The following ELK4 variants were observed in gnomAD, a reference collection of about 807,000 sequenced individuals.
ELK4 encodes ETS domain-containing protein Elk-4.
In ELK4, 16 loss-of-function variants were observed where a neutral mutation model predicts 29.6. The ratio of observed to expected loss-of-function variants is 0.54; its 90% CI spans 0.37 to 0.82. The LOEUF (loss-of-function observed/expected upper bound fraction) is 0.82, where lower values mean the gene tolerates loss of function less well. Ranked by LOEUF, ELK4 falls within the 40% of genes least tolerant of loss-of-function variation. The pLI is 0.00. For synonymous variants in ELK4, 213 were observed against 191.1 expected (o/e 1.11, Z -0.95); for missense variants, 465 against 507.1 (o/e 0.92, Z 0.80).
chr1:205,619,017 A>G lies in ELK4; in HGVS notation c.1137T>C (p.Thr379=), dbSNP rs1670281192. The part of the protein sequence containing the change: ...PLLSSIHFWS[T]LSPVAPLSPA... ...GACTTAGGGGAGCAACAGGACTGAG[A>G]GTACTCCAGAAGTGGATACTGGAGA... Residue 379 remains threonine, a synonymous_variant, in exon 4 of 5, where the codon ACT becomes ACC. Coordinates refer to ENST00000357992, the MANE Select transcript of ELK4 (RefSeq NM_001973.4). 2 of 1,611,674 alleles carry G rather than the reference A, an allele frequency of 1.2e-6. No homozygotes were observed. The highest frequency in any genetic ancestry group is 1.7e-5 in the Admixed American group (1 of 59,522).
chr1:205,619,420 C>A lies in ELK4; in HGVS notation c.1081-347G>T, dbSNP rs998397737. 3 of 1,059,060 alleles carry A rather than the reference C, an allele frequency of 2.8e-6. No homozygotes were observed. In the African/African-American group the frequency reaches 5.0e-5, roughly 18 times the overall value. 65.6% of individuals were successfully genotyped at this position (1,059,060 alleles called of 1,614,324 possible). ...TAAAGTCTTTTCCAAATAGAAAAAC[C>A]AACCTGAATTCAGGTACAGAGGAAT... On this transcript the variant is annotated intron_variant, in intron 3 of 4. Transcript: ENST00000357992.
intron 1 of ELK4, among the ~76,000 whole-genome samples, chr1:205,625,099 T>C (rs1006605239): frequency 3.1e-4 from 47 of 151,914 alleles, no homozygotes; most frequent in African/African-American, 1.1e-3. Context: ...AGAATAGAGT[T>C]TGAAAACAAA....
intron 1 of ELK4, among the ~76,000 whole-genome samples, chr1:205,629,095 C>T (rs1670521634): frequency 1.4e-5 from 2 of 145,370 alleles, no homozygotes; most frequent in South Asian, 2.2e-4. Flanking sequence ...GGCGTGAACC[C>T]GAGAGGCGGA....
At chr1:205,619,475 T>C (rs2102377903) in intron 3 of ELK4, 3 of 1,060,646 alleles carry the variant, frequency 2.8e-6, no homozygotes, top group South Asian at 4.5e-5. Flanking sequence ...AGCATGTTTG[T>C]TTTTTTTTAA....
intron 2 of ELK4, among the ~76,000 whole-genome samples, chr1:205,623,335 G>A (rs377721547): frequency 1.1e-4 from 16 of 142,896 alleles, no homozygotes; most frequent in African/African-American, 3.7e-4. Flanking sequence ...TTTTTGAGAC[G>A]GAGTCTCACT....
chr1:205,624,186 C>T (rs1324515530), intron 1 of ELK4, among the ~76,000 whole-genome samples: 1 of 152,158 alleles, frequency 6.6e-6, no homozygotes, highest in Admixed American at 6.5e-5. Context: ...TCTTAAGCAA[C>T]AAGCAACTTG....
intron 2 of ELK4, among the ~76,000 whole-genome samples, chr1:205,622,550 G>A (rs971233182): frequency 1.3e-4 from 19 of 151,972 alleles, no homozygotes; most frequent in Middle Eastern, 6.8e-3. Context: ...ACACCACCGC[G>A]CCACACTGTT....
Position 205,611,248 on chromosome 1 carries a change from A to G in ELK4, c.*5298T>C, listed in dbSNP as rs183927335. Reference sequence around the variant, plus strand: ...CAGTTTCAAATGAAACAATTATACTACCATTAACGATTCACCTTTCAGATT... The same window carrying G: ...CAGTTTCAAATGAAACAATTATACTGCCATTAACGATTCACCTTTCAGATT... On this transcript the variant is annotated 3_prime_UTR_variant, in exon 5 of 5. Transcript: ENST00000357992. 133 of 210,342 alleles carry G rather than the reference A, an allele frequency of 6.3e-4. No individual in the cohort carries two copies. The highest frequency in any genetic ancestry group is 1.1e-3 in the Non-Finnish European group (116 of 103,444). 13.0% of individuals were successfully genotyped at this position (210,342 alleles called of 1,614,324 possible). A position where few individuals can be genotyped will look rare whatever the true frequency, so the allele number is the denominator to read the frequency against.
intron 3 of ELK4, chr1:205,619,464 C>T: frequency 9.4e-7 from 1 of 1,065,882 alleles, no homozygotes; most frequent in Non-Finnish European, 1.1e-6. Context: ...ACCAAGACAC[C>T]AGCATGTTTG....
Position 205,623,658 on chromosome 1 carries a change from G to C in ELK4, c.207+18C>G, listed in dbSNP as rs763142011. ...TCTGGAGGTTCTCTGTATAGTATAA[G>C]ATCAGGATGTGTACTACCTTTACAT... On this transcript the variant is annotated intron_variant, in intron 2 of 4. Transcript: ENST00000357992. 6.2e-7 allele frequency: 1 copy of C among 1,612,736 alleles called. No homozygotes were observed. Among genetic ancestry groups the C allele is most frequent in the South Asian group, 1.1e-5 (1 of 91,024 alleles).
At chr1:205,623,995 C>G in intron 1 of ELK4, 104 bp from the exon 2 acceptor site, 1 of 1,041,670 alleles carries the variant, frequency 9.6e-7, no homozygotes, top group East Asian at 2.5e-5. Context: ...TTAATTCATC[C>G]CCACATTTCT....
In ELK4 at chr1:205,619,071, T is replaced by C. The variant is rs1571497645; in HGVS notation, c.1083A>G (p.Thr361=). 2.5e-6 allele frequency: 4 copies of C among 1,577,544 alleles called. No homozygotes were observed. Among genetic ancestry groups the C allele is most frequent in the Non-Finnish European group, 3.4e-6 (4 of 1,164,260 alleles). The change falls in exon 4 of 5, where the codon ACA becomes ACG. Residue 361 remains threonine (T), a splice_region_variant and synonymous_variant. Transcript: ENST00000357992. The part of the protein sequence containing the change: ...ASLTPAFFSQ[T]PIILTPSPLL... The stretch of plus-strand genomic sequence containing the variant: ...AGGGGCTTGGAGTCAGTATGATGGG[T>C]GTCTGCAATACACAAAGCAAAAATA...
At position 205,620,529 on chromosome 1, in the gene ELK4, C is replaced by T. The variant is rs752901823; in HGVS notation, c.517G>A (p.Glu173Lys). ...GGAGATTTTTTCTCTGCCAGTTTCT[C>T]GGCTGGATTCTCAGTCTTTATCAAT... is the stretch of plus-strand genomic sequence containing the variant. ...FKLIKTENPA[E>K]KLAEKKSPQE... Residue 173 changes from glutamate to lysine, a missense_variant, in exon 3 of 5, where the codon GAG (glutamate) becomes AAG (lysine). Transcript: ENST00000357992. 1.5e-5 allele frequency: 24 copies of T among 1,614,016 alleles called. No homozygotes were observed. The highest frequency in any genetic ancestry group is 3.3e-5 in the South Asian group (3 of 91,076).
chr1:205,623,157 CAAA>C (rs547986684), intron 2 of ELK4, among the ~76,000 whole-genome samples: 169 of 76,806 alleles, frequency 2.2e-3, no homozygotes, highest in African/African-American at 7.2e-3. Flanking sequence ...GACTCCGTCT[CAAA>C]AAAAAAAAAA....
intron 1 of ELK4, among the ~76,000 whole-genome samples, chr1:205,628,131 C>T (rs1348268345): frequency 6.6e-6 from 1 of 152,184 alleles, no homozygotes; most frequent in African/African-American, 2.4e-5. Context: ...TAACCATGCC[C>T]GCTAGAAATC....
chr1:205,620,899 T>A (rs914550738), intron 2 of ELK4, 61 bp from the exon 3 acceptor site: 32 of 1,495,580 alleles, frequency 2.1e-5, no homozygotes, highest in Non-Finnish European at 2.6e-5. Context: ...CCATAGTTCA[T>A]GAAAAAGCTG....
At chr1:205,624,677 T>C (rs903452592) in intron 1 of ELK4, among the ~76,000 whole-genome samples, 9 of 152,186 alleles carry the variant, frequency 5.9e-5, no homozygotes, top group Non-Finnish European at 1.0e-4. Flanking sequence ...TTTGGCATTA[T>C]TGGTTTTGGG....
At chr1:205,620,934 T>G in intron 2 of ELK4, 96 bp from the exon 3 acceptor site, 1 of 1,342,614 alleles carries the variant, frequency 7.4e-7, no homozygotes, top group Non-Finnish European at 9.9e-7. Flanking sequence ...CAGTGGCTCA[T>G]GCCTGTAATC....
At position 205,620,771 on chromosome 1, in the gene ELK4, T is replaced by C. The variant is rs776615952; in HGVS notation, c.275A>G (p.Asn92Ser). 2 of 1,614,004 alleles carry C rather than the reference T, an allele frequency of 1.2e-6. No homozygotes were observed. Among genetic ancestry groups the C allele is most frequent in the African/African-American group, 1.3e-5 (1 of 74,930 alleles). ...CCTGCCCACTGTCATTGGATCCATG[T>C]TCAAAATCTCTGGATAAGAGACAAA... ...YKFVSYPEIL[N>S]MDPMTVGRIE... The change falls in exon 3 of 5, where the codon AAC becomes AGC. Residue 92 changes from asparagine (N) to serine (S), a missense_variant. Around this residue, in one of 2 missense-constraint regions of ELK4, gnomAD observed 385 missense variants for 387.5 expected, o/e 0.99. Coordinates refer to ENST00000357992, the MANE Select transcript of ELK4 (RefSeq NM_001973.4).
Sources: gnomAD v4.1 joint callset for allele counts (sites outside exome capture counted in the v4.1 genomes callset) on GRCh38, gnomAD v4.1.1 for gene constraint, gnomAD v4.1.1 regional missense constraint, MANE v1.5 for transcripts, NCBI Gene and HGNC (gene_info 2026-07-23, HGNC 2026-07-21) for gene names.